Variants in SUGCT observed in about 807,000 individuals in gnomAD.
SUGCT encodes the protein succinyl-CoA:glutarate CoA-transferase.
SUGCT carries 41 observed loss-of-function variants against 55.0 expected under a neutral mutation model. The observed-to-expected ratio is 0.74, with a 90% CI of 0.58 to 0.97. The LOEUF (loss-of-function observed/expected upper bound fraction) is 0.97, where lower values mean the gene tolerates loss of function less well. Among genes scored for constraint, SUGCT ranks in the 50% least tolerant of loss-of-function variants. The pLI is 0.00. For synonymous variants in SUGCT, 187 were observed against 200.4 expected (o/e 0.93, Z 0.56); for missense variants, 568 against 547.8 (o/e 1.04, Z -0.37).
chr7:40,622,817 T>C (rs139493994), intron 12 of SUGCT, among the ~76,000 whole-genome samples: 207 of 152,198 alleles, frequency 1.4e-3, no homozygotes, highest in African/African-American at 4.8e-3. Flanking sequence ...CCTCTCTCCC[T>C]GACTTTCCAC....
chr7:40,834,954 C>T (rs1382684026), intron 13 of SUGCT, among the ~76,000 whole-genome samples: 1 of 151,820 alleles, frequency 6.6e-6, no homozygotes, highest in African/African-American at 2.4e-5. Flanking sequence ...AAAATGGTGT[C>T]CTTTTTAAAT....
intron 13 of SUGCT, among the ~76,000 whole-genome samples, chr7:40,785,785 T>C (rs1231792129): frequency 2.6e-5 from 4 of 152,076 alleles, no homozygotes; most frequent in Admixed American, 2.6e-4. Context: ...TGTAATTTGG[T>C]TTAAAGAAAA....
chr7:40,362,679 A>G lies in SUGCT; in HGVS notation c.816+45824A>G, dbSNP rs962072587. Among the ~76,000 whole-genome samples, 5 of 152,302 alleles carry G rather than the reference A, an allele frequency of 3.3e-5. 1 individual carries two copies. The highest frequency in any genetic ancestry group is 2.6e-4 in the Admixed American group (4 of 15,294). ...GTGGAAGCATAAGTTTGGAAACAATATAATTTTAAAAATTGAGATATAATG... is the reference window on the plus strand; with the variant it reads ...GTGGAAGCATAAGTTTGGAAACAATGTAATTTTAAAAATTGAGATATAATG... On this transcript the variant is annotated intron_variant, in intron 9 of 13. Transcript: ENST00000335693.
rs370027243 is a variant in SUGCT, at chr7:40,153,722, A to C, written c.100+18602A>C. ...GGTGATAATAATCCTCTGGTTGTGA[A>C]TAGAGCAGCAAACAACATCACATCT... is the stretch of plus-strand genomic sequence containing the variant. On this transcript the variant is annotated intron_variant, in intron 1 of 13. Transcript: ENST00000335693. 1,191 of 484,170 alleles carry C rather than the reference A, an allele frequency of 2.5e-3. 26 individuals carry two copies. The highest frequency in any genetic ancestry group is 0.019 in the South Asian group (1,155 of 62,142). 30.0% of individuals were successfully genotyped at this position (484,170 alleles called of 1,614,324 possible). A position where few individuals can be genotyped will look rare whatever the true frequency, so the allele number is the denominator to read the frequency against.
chr7:40,375,611 A>T (rs1381461613), intron 9 of SUGCT, among the ~76,000 whole-genome samples: 1 of 152,136 alleles, frequency 6.6e-6, no homozygotes, highest in East Asian at 1.9e-4. Flanking sequence ...ACTATCCCTC[A>T]TTTGAGAGAT....
At chr7:40,827,999 C>T (rs958029623) in intron 13 of SUGCT, among the ~76,000 whole-genome samples, 16 of 152,204 alleles carry the variant, frequency 1.1e-4, no homozygotes, top group African/African-American at 3.1e-4. Context: ...CAAGCTGCTA[C>T]TTCAAAATCC....
intron 12 of SUGCT, among the ~76,000 whole-genome samples, chr7:40,609,788 G>T (rs1175035922): frequency 6.6e-6 from 1 of 152,114 alleles, no homozygotes; most frequent in Non-Finnish European, 1.5e-5. Context: ...AGTAACAAAT[G>T]ATCTCTTTCT....
At position 40,459,197 on chromosome 7, in the gene SUGCT, C is replaced by T. The variant is rs137852860; in HGVS notation, c.985C>T (p.Arg329Trp). 8,844 of 1,578,104 alleles carry T rather than the reference C, an allele frequency of 5.6e-3. 32 individuals carry two copies. Among genetic ancestry groups the T allele is most frequent in the Non-Finnish European group, 6.9e-3 (7,916 of 1,150,322 alleles). Residue 329 changes from arginine (R) to tryptophan (W), a missense_variant and splice_region_variant, in exon 11 of 14, where the codon CGG becomes TGG. Transcript: ENST00000335693. ...AGAGCTTATTAAAATATTATCTGAACGGTAAGTTTGGATGTTGTATTCATC... is the reference window on the plus strand; with the variant it reads ...AGAGCTTATTAAAATATTATCTGAATGGTAAGTTTGGATGTTGTATTCATC... Reference protein sequence around the residue: ...RKELIKILSERFEEELTSKWL... With the variant: ...RKELIKILSEWFEEELTSKWL...
chr7:40,325,699 G>A lies in SUGCT; in HGVS notation c.816+8844G>A, dbSNP rs750473252. On this transcript the variant is annotated intron_variant, in intron 9 of 13. Transcript: ENST00000335693. ...TGCGTGCCGGTAATCCCAGCTACTC[G>A]GGAGGCTGAGGCAGGAGAATCGCTT... Among the ~76,000 whole-genome samples the A allele has an allele frequency of 1.9e-3, 291 of 152,128 alleles. 1 individual carries two copies. Among genetic ancestry groups the A allele is most frequent in the Admixed American group, 3.9e-3 (59 of 15,278 alleles).
At chr7:40,433,927 T>A (rs1423005648) in intron 9 of SUGCT, among the ~76,000 whole-genome samples, 1 of 152,158 alleles carries the variant, frequency 6.6e-6, no homozygotes, top group Non-Finnish European at 1.5e-5. Flanking sequence ...CAAACAGAAT[T>A]TCTTGGCTAC....
chr7:40,982,669 T>A, the SUGCT span, among the ~76,000 whole-genome samples: 1 of 152,086 alleles, frequency 6.6e-6, no homozygotes, highest in Non-Finnish European at 1.5e-5. Flanking sequence ...TTTTTTTTAT[T>A]TTTTAGATAG....
chr7:40,360,837 G>T (rs1005844586), intron 9 of SUGCT, among the ~76,000 whole-genome samples: 2 of 152,096 alleles, frequency 1.3e-5, no homozygotes, highest in African/African-American at 4.8e-5. Context: ...TTTGTGTTTA[G>T]AAATATTAAT....
chr7:40,176,985 A>G lies in SUGCT; in HGVS notation c.101-3962A>G, dbSNP rs192395353. ...CCAAAAAAAAAAAAAAAAAAAGACTAGCTTTCTTTCACTACCATTTGAACA... is the reference window on the plus strand; with the variant it reads ...CCAAAAAAAAAAAAAAAAAAAGACTGGCTTTCTTTCACTACCATTTGAACA... On this transcript the variant is annotated intron_variant, in intron 1 of 13. Transcript: ENST00000335693. Among the ~76,000 whole-genome samples the G allele has an allele frequency of 3.1e-3, 474 of 150,602 alleles. 2 individuals are homozygous for G. The highest frequency in any genetic ancestry group is 0.011 in the African/African-American group (443 of 40,992).
At chr7:40,967,799 T>C in the SUGCT span, among the ~76,000 whole-genome samples, 1 of 152,058 alleles carries the variant, frequency 6.6e-6, no homozygotes, top group South Asian at 2.1e-4. Flanking sequence ...TTTTTTTGTA[T>C]TTTTAGTAGA....
chr7:40,188,747 A>T (rs993560600), intron 4 of SUGCT, among the ~76,000 whole-genome samples, 167 bp downstream of exon 4: 4 of 152,158 alleles, frequency 2.6e-5, no homozygotes, highest in African/African-American at 4.8e-5. Context: ...AGTAGAAATA[A>T]TGGAGCTTTT....
At chr7:40,779,861 C>T (rs553485675) in intron 13 of SUGCT, among the ~76,000 whole-genome samples, 13 of 152,184 alleles carry the variant, frequency 8.5e-5, no homozygotes, top group African/African-American at 1.7e-4. Flanking sequence ...TGGGGATAGA[C>T]GACACCACCA....
intron 12 of SUGCT, among the ~76,000 whole-genome samples, chr7:40,692,582 G>A (rs1176163245): frequency 6.6e-6 from 1 of 152,170 alleles, no homozygotes; most frequent in African/African-American, 2.4e-5. Flanking sequence ...AAAATTTAAT[G>A]ATGGAGTAGA....
intron 9 of SUGCT, among the ~76,000 whole-genome samples, chr7:40,402,183 C>G (rs761799564): frequency 5.3e-5 from 8 of 151,442 alleles, no homozygotes; most frequent in Non-Finnish European, 8.8e-5. Context: ...AGATATCTTA[C>G]CAAAGGTAAC....
At chr7:40,450,230 C>T (rs1331688267) in intron 10 of SUGCT, among the ~76,000 whole-genome samples, 1 of 151,964 alleles carries the variant, frequency 6.6e-6, no homozygotes, top group African/African-American at 2.4e-5. Context: ...ACCCGGCCTA[C>T]TAGACTTTTT....
Sources: allele counts gnomAD v4.1 joint callset (sites outside exome capture counted in the v4.1 genomes callset), GRCh38; gene constraint gnomAD v4.1.1; transcripts MANE v1.5; gene names NCBI Gene and HGNC (gene_info 2026-07-23, HGNC 2026-07-21).